The following RHEB variants were observed in gnomAD, a reference collection of about 807,000 sequenced individuals.
The protein encoded by RHEB is GTP-binding protein Rheb.
A neutral mutation model predicts 28.8 loss-of-function variants in RHEB; 2 were observed. That is an observed-to-expected ratio of 0.07 (90% CI 0.03 to 0.22). RHEB has a LOEUF of 0.22. Ranked by LOEUF, RHEB falls within the 10% of genes least tolerant of loss-of-function variation. RHEB has a pLI of 1.00. For synonymous variants in RHEB, 69 were observed against 77.3 expected, an observed-to-expected ratio of 0.89 and a Z score of 0.56; for missense variants, 76 against 219.9, an observed-to-expected ratio of 0.35 and a Z score of 4.14.
At chr7:151,515,726 G>A (rs1219857978) in intron 1 of RHEB, among the ~76,000 whole-genome samples, 1 of 152,150 alleles carries the variant, frequency 6.6e-6, no homozygotes, top group Non-Finnish European at 1.5e-5. Context: ...AGAATCTGCT[G>A]GGAACAACCA....
intron 7 of RHEB, among the ~76,000 whole-genome samples, chr7:151,469,978 C>A (rs1293775456): frequency 6.6e-6 from 1 of 152,046 alleles, no homozygotes. Flanking sequence ...GGGAGACAAG[C>A]TTGGTGCCGG....
Position 151,490,961 on chromosome 7 carries a change from C to T in RHEB, c.106G>A (p.Asp36Asn), listed in dbSNP as rs1454894396. Residue 36 changes from aspartate to asparagine, a missense_variant, in exon 2 of 8, where the codon GAT becomes AAT. Physicochemically the swap from Asp to Asn is conservative, Grantham distance 23 (BLOSUM62 1). Transcript: ENST00000262187. Reference sequence around the variant, plus strand: ...TACTTACTGTTTTCTATGGTTGGATCGTAGGAGTCCACAAATTGGCCTTCA... The same window carrying T: ...TACTTACTGTTTTCTATGGTTGGATTGTAGGAGTCCACAAATTGGCCTTCA... Reference protein sequence around the residue: ...FVEGQFVDSYDPTIENTFTKL... With the variant: ...FVEGQFVDSYNPTIENTFTKL... 6.2e-7 allele frequency: 1 copy of T among 1,611,842 alleles called. No individual in the cohort carries two copies. The highest frequency in any genetic ancestry group is 8.5e-7 in the Non-Finnish European group (1 of 1,178,464).
At chr7:151,489,336 A>G (rs1024669690) in intron 2 of RHEB, among the ~76,000 whole-genome samples, 2 of 152,192 alleles carry the variant, frequency 1.3e-5, no homozygotes, top group East Asian at 3.8e-4. Context: ...CAGCACTCAC[A>G]TTAATCTGCT....
chr7:151,504,046 A>G (rs977859185), intron 1 of RHEB, among the ~76,000 whole-genome samples: 1 of 152,172 alleles, frequency 6.6e-6, no homozygotes, highest in Admixed American at 6.5e-5. Context: ...TCACTCCCTC[A>G]AGCTACCCTG....
At chr7:151,502,984 C>T (rs1396584417) in intron 1 of RHEB, 16 of 783,598 alleles carry the variant, frequency 2.0e-5, no homozygotes, top group South Asian at 6.7e-5. Flanking sequence ...AAGTCCTCTC[C>T]GAAGTGAAAT....
intron 1 of RHEB, among the ~76,000 whole-genome samples, chr7:151,499,343 A>G (rs1397722661): frequency 1.3e-5 from 2 of 152,208 alleles, no homozygotes; most frequent in African/African-American, 4.8e-5. Flanking sequence ...GGGATACAAG[A>G]GTGAAACTCT....
At chr7:151,516,067 C>T (rs536447316) in intron 1 of RHEB, among the ~76,000 whole-genome samples, 1 of 152,204 alleles carries the variant, frequency 6.6e-6, no homozygotes, top group South Asian at 2.1e-4. Context: ...CTTCCTATCG[C>T]GGGACTACTC....
chr7:151,467,342 C>A, intron 7 of RHEB, 131 bp from the exon 8 acceptor site: 1 of 686,206 alleles, frequency 1.5e-6, no homozygotes, highest in South Asian at 1.7e-5. Flanking sequence ...CTGGTGAGCC[C>A]CAGAACTTCA....
chr7:151,467,240 T>A, intron 7 of RHEB, 29 bp from the exon 8 acceptor site: 1 of 1,527,654 alleles, frequency 6.5e-7, no homozygotes, highest in Non-Finnish European at 9.1e-7. Context: ...CCAATCACAG[T>A]GTTAGTGTGA....
At chr7:151,512,488 A>G (rs1052971105) in intron 1 of RHEB, among the ~76,000 whole-genome samples, 4 of 152,162 alleles carry the variant, frequency 2.6e-5, no homozygotes, top group Non-Finnish European at 5.9e-5. Flanking sequence ...GTCCAAACAC[A>G]ACTCATCCAA....
At chr7:151,467,244 A>G (rs1802080934) in intron 7 of RHEB, 33 bp from the exon 8 acceptor site, 1 of 1,501,974 alleles carries the variant, frequency 6.7e-7, no homozygotes, top group Non-Finnish European at 9.3e-7. Flanking sequence ...TCACAGTGTT[A>G]GTGTGAAGCC....
At chr7:151,515,068 C>CAAAAAAA (rs10711342) in intron 1 of RHEB, among the ~76,000 whole-genome samples, 90 of 140,392 alleles carry the variant, frequency 6.4e-4, no homozygotes, top group African/African-American at 2.4e-3. Flanking sequence ...AAATAATAGC[C>CAAAAAAA]AAAAAAAAAA....
At chr7:151,506,997 C>T (rs928945733) in intron 1 of RHEB, among the ~76,000 whole-genome samples, 2 of 152,206 alleles carry the variant, frequency 1.3e-5, no homozygotes, top group East Asian at 3.8e-4. Context: ...CTGGAACTGG[C>T]ACATCACCAT....
intron 1 of RHEB, among the ~76,000 whole-genome samples, chr7:151,513,739 T>A (rs78107382): frequency 0.032 from 4,868 of 152,260 alleles, 225 homozygotes; most frequent in African/African-American, 0.11. Context: ...TTCAACTACC[T>A]GAAAAACTAT....
At chr7:151,471,677 G>A in intron 4 of RHEB, 72 bp from the exon 5 acceptor site, 2 of 980,790 alleles carry the variant, frequency 2.0e-6, no homozygotes, top group East Asian at 2.4e-5. Context: ...TATGTTGCCA[G>A]CTGGAAAAAT....
chr7:151,500,156 G>T (rs565966296), intron 1 of RHEB, among the ~76,000 whole-genome samples: 1 of 152,250 alleles, frequency 6.6e-6, no homozygotes, highest in East Asian at 1.9e-4. Flanking sequence ...AGCCACTAAG[G>T]GTTTTCCAGT....
Position 151,515,561 on chromosome 7 carries a change from A to G in RHEB, c.52+3899T>C, listed in dbSNP as rs151161041. Among the ~76,000 whole-genome samples the G allele has an allele frequency of 5.4e-4, 83 of 152,380 alleles. No individual in the cohort carries two copies. The East Asian group carries it at 0.013, about 24-fold the overall frequency. Reference sequence around the variant, plus strand: ...AAGTGGGCACTTCAGGACTACCCCCACCCACAAGTATACAACATCAGAATA... The same window carrying G: ...AAGTGGGCACTTCAGGACTACCCCCGCCCACAAGTATACAACATCAGAATA... On this transcript the variant is annotated intron_variant, in intron 1 of 7. Coordinates refer to ENST00000262187, the MANE Select transcript of RHEB (RefSeq NM_005614.4).
At chr7:151,480,678 TATTA>T (rs10616364) in intron 3 of RHEB, among the ~76,000 whole-genome samples, 2,389 of 138,684 alleles carry the variant, frequency 0.017, 52 homozygotes, top group African/African-American at 0.051. Flanking sequence ...TTTTAATTAT[TATTA>T]ATTATTATTT....
rs567637183 is a variant in RHEB at position 151,502,286 on chromosome 7, A to G, written c.53-11272T>C. 84 of 710,382 alleles carry G rather than the reference A, an allele frequency of 1.2e-4. No homozygotes were observed. The African/African-American group carries it at 1.3e-3, about 11-fold the overall frequency. 44.0% of individuals were successfully genotyped at this position (710,382 alleles called of 1,614,324 possible). On this transcript the variant is annotated intron_variant, in intron 1 of 7. Coordinates refer to ENST00000262187, the MANE Select transcript of RHEB (RefSeq NM_005614.4). ...AGCCTGCAGCAATGGCACTAGCATGATATCACTGATCATTCCTCCCAAAGA... is the reference window on the plus strand; with the variant it reads ...AGCCTGCAGCAATGGCACTAGCATGGTATCACTGATCATTCCTCCCAAAGA...
Sources: gnomAD v4.1 joint callset for allele counts (sites outside exome capture counted in the v4.1 genomes callset) on GRCh38, gnomAD v4.1.1 for gene constraint, MANE v1.5 for transcripts, NCBI Gene and HGNC (gene_info 2026-07-23, HGNC 2026-07-21) for gene names.